Variants in MBNL1 observed in about 807,000 individuals in gnomAD.
MBNL1 encodes muscleblind-like protein 1.
MBNL1 carries 8 observed loss-of-function variants against 42.2 expected under a neutral mutation model. The observed-to-expected ratio is 0.19, with a 90% CI of 0.11 to 0.34. The LOEUF is 0.34. Ranked by LOEUF, MBNL1 falls within the 10% of genes least tolerant of loss-of-function variation. The probability of loss-of-function intolerance (pLI) is 1.00; values close to 1 mark genes in which losing one functional copy is unlikely to be tolerated. For missense variants in MBNL1, 309 were observed against 495.3 expected (o/e 0.62, Z 3.57); for synonymous variants, 169 against 173.9 (o/e 0.97, Z 0.22).
At chr3:152,303,938 T>A (rs752692417) in intron 2 of MBNL1, among the ~76,000 whole-genome samples, 3 of 152,182 alleles carry the variant, frequency 2.0e-5, no homozygotes, top group Non-Finnish European at 4.4e-5. Flanking sequence ...TGAGCCATTT[T>A]ATTTAAGATA....
intron 2 of MBNL1, among the ~76,000 whole-genome samples, chr3:152,262,321 G>A (rs1559942209): frequency 6.6e-6 from 1 of 152,162 alleles, no homozygotes; most frequent in Non-Finnish European, 1.5e-5. Flanking sequence ...TGGGACAAAT[G>A]TTGTTCTTAT....
At chr3:152,324,037 T>C (rs2078013084) in intron 2 of MBNL1, among the ~76,000 whole-genome samples, 1 of 152,198 alleles carries the variant, frequency 6.6e-6, no homozygotes, top group African/African-American at 2.4e-5. Flanking sequence ...CTTCATTTCC[T>C]TCAGCTGTGC....
At chr3:152,446,359 A>G (rs535380915) in intron 5 of MBNL1, among the ~76,000 whole-genome samples, 4 of 151,982 alleles carry the variant, frequency 2.6e-5, no homozygotes, top group Non-Finnish European at 4.4e-5. Context: ...CACGAGAGAG[A>G]TCTTTTCTGT....
intron 3 of MBNL1, among the ~76,000 whole-genome samples, chr3:152,426,304 TAACA>T (rs1290184227): frequency 2.0e-5 from 3 of 152,316 alleles, no homozygotes; most frequent in Middle Eastern, 3.4e-3. Context: ...TATGCCCATG[TAACA>T]AACCTGCACG....
At chr3:152,273,303 C>T (rs140658651) in intron 1 of MBNL1, among the ~76,000 whole-genome samples, 19 of 152,128 alleles carry the variant, frequency 1.2e-4, no homozygotes, top group Non-Finnish European at 1.9e-4. Flanking sequence ...TCGGTTTTTA[C>T]GTAGTGTTTT....
intron 3 of MBNL1, among the ~76,000 whole-genome samples, chr3:152,419,332 C>G (rs1234186967): frequency 2.0e-5 from 3 of 152,166 alleles, no homozygotes; most frequent in East Asian, 3.9e-4. Flanking sequence ...CCAGCAAGAT[C>G]AATGCAGAAG....
rs1749988438 is a variant in MBNL1, at chr3:152,465,362, A to G, written c.*2996A>G. On this transcript the variant is annotated 3_prime_UTR_variant, in exon 10 of 10. Transcript: ENST00000324210. ...GCAAACCAAACAGCACACTGTAGCT[A>G]TAGTTGTTATGTGATTGTTTTTTAA... 1 of 152,592 alleles carries G rather than the reference A, an allele frequency of 6.6e-6. No individual in the cohort carries two copies. Among genetic ancestry groups the G allele is most frequent in the East Asian group, 1.9e-4 (1 of 5,204 alleles). The allele number at this position is 152,592 out of a possible 1,614,324, so 9.5% of individuals were successfully genotyped here. A position where few individuals can be genotyped will look rare whatever the true frequency, so the allele number is the denominator to read the frequency against.
At chr3:152,278,496 T>C (rs1377665595) in intron 1 of MBNL1, among the ~76,000 whole-genome samples, 2 of 151,916 alleles carry the variant, frequency 1.3e-5, no homozygotes, top group African/African-American at 2.4e-5. Context: ...TTAGAAAAAA[T>C]ATACTCAAGT....
In MBNL1 at chr3:152,445,552, A is replaced by G. The variant is rs370497202; in HGVS notation, c.807+13A>G. On this transcript the variant is annotated intron_variant, in intron 5 of 9. Coordinates refer to ENST00000324210, the MANE Select transcript of MBNL1 (RefSeq NM_021038.5). ...CGCAGCTGCCATGGTGAGTAGAGAT[A>G]TCAGCTCTCTCCTTGTTAGCAGTCA... The G allele has an allele frequency of 2.8e-5, 45 of 1,602,214 alleles. No individual in the cohort carries two copies. The African/African-American group carries it at 4.7e-4, about 17-fold the overall frequency.
chr3:152,311,552 T>C (rs2066483362), intron 2 of MBNL1, among the ~76,000 whole-genome samples: 1 of 152,198 alleles, frequency 6.6e-6, no homozygotes. Context: ...TTTCAGAAAT[T>C]TTCTAGGACT....
chr3:152,352,117 G>A (rs1444593208), intron 2 of MBNL1, among the ~76,000 whole-genome samples: 11 of 152,070 alleles, frequency 7.2e-5, no homozygotes, highest in Non-Finnish European at 1.5e-4. Flanking sequence ...ATTATGTAAA[G>A]CTATAAAATG....
chr3:152,451,262 A>G (rs1195157575), intron 6 of MBNL1, among the ~76,000 whole-genome samples: 1 of 152,194 alleles, frequency 6.6e-6, no homozygotes, highest in African/African-American at 2.4e-5. Context: ...GCAAAAGATC[A>G]GGGTTCAGTG....
At chr3:152,382,795 T>G (rs1190068467) in intron 2 of MBNL1, among the ~76,000 whole-genome samples, 1 of 152,182 alleles carries the variant, frequency 6.6e-6, no homozygotes, top group African/African-American at 2.4e-5. Flanking sequence ...AAATCCAGTT[T>G]TTGTTATCTT....
chr3:152,275,444 C>G (rs1292278825), intron 1 of MBNL1, among the ~76,000 whole-genome samples: 1 of 152,108 alleles, frequency 6.6e-6, no homozygotes, highest in Non-Finnish European at 1.5e-5. Context: ...TGTGCAGTGG[C>G]TCACACCTGT....
At chr3:152,258,921 CA>C (rs1403726507) in intron 2 of MBNL1, among the ~76,000 whole-genome samples, 1 of 152,134 alleles carries the variant, frequency 6.6e-6, no homozygotes, top group Non-Finnish European at 1.5e-5. Context: ...TTCTAGTGTC[CA>C]CGTGGGCTTC....
At chr3:152,268,547 G>A (rs1181414909), upstream of MBNL1, 1 of 350,040 alleles carries the variant, frequency 2.9e-6, no homozygotes, top group Non-Finnish European at 5.7e-6. Flanking sequence ...GTCGGTAGAA[G>A]AAGCGGGAGG....
chr3:152,276,139 T>C (rs1205445910), intron 1 of MBNL1, among the ~76,000 whole-genome samples: 1 of 152,204 alleles, frequency 6.6e-6, no homozygotes, highest in Non-Finnish European at 1.5e-5. Flanking sequence ...ATATGAGGCT[T>C]GTCATTTTTA....
At chr3:152,406,779 TA>T (rs2098439784) in intron 2 of MBNL1, among the ~76,000 whole-genome samples, 1 of 152,150 alleles carries the variant, frequency 6.6e-6, no homozygotes, top group African/African-American at 2.4e-5. Flanking sequence ...CCATTAAACT[TA>T]GGAGTGTTCT....
chr3:152,293,092 A>G (rs1483633719), intron 1 of MBNL1, among the ~76,000 whole-genome samples: 3 of 152,102 alleles, frequency 2.0e-5, no homozygotes, highest in African/African-American at 4.8e-5. Flanking sequence ...TTAAACTTTA[A>G]TTTCTTCCTA....
Sources: gnomAD v4.1 joint callset for allele counts (sites outside exome capture counted in the v4.1 genomes callset) on GRCh38, gnomAD v4.1.1 for gene constraint, MANE v1.5 for transcripts, NCBI Gene and HGNC (gene_info 2026-07-23, HGNC 2026-07-21) for gene names.